The following ZFP64 variants were observed in gnomAD, a reference collection of about 807,000 sequenced individuals.
ZFP64 encodes zinc finger protein 64.
A neutral mutation model predicts 51.6 loss-of-function variants in ZFP64; 14 were observed. The ratio of observed to expected loss-of-function variants is 0.27; its 90% CI spans 0.18 to 0.42. The LOEUF is 0.42. Among genes scored for constraint, ZFP64 ranks in the 10% least tolerant of loss-of-function variants. The probability of loss-of-function intolerance (pLI) is 1.00; values close to 1 mark genes in which losing one functional copy is unlikely to be tolerated. For synonymous variants in ZFP64, 375 were observed against 361.4 expected, an observed-to-expected ratio of 1.04 and a Z score of -0.43; for missense variants, 754 against 906.8, an observed-to-expected ratio of 0.83 and a Z score of 2.16.
intron 7 of ZFP64, chr20:52,097,225 G>A: frequency 2.2e-6 from 2 of 906,940 alleles, no homozygotes; most frequent in South Asian, 1.3e-5. Flanking sequence ...CAGCCCTTTT[G>A]CTCCTTCTCC....
chr20:52,103,908 C>T (rs977096514), intron 5 of ZFP64, among the ~76,000 whole-genome samples: 10 of 152,190 alleles, frequency 6.6e-5, no homozygotes, highest in African/African-American at 2.4e-4. Context: ...CCCTCCACCA[C>T]CACCTCGGGA....
rs920038011 is a variant in ZFP64 at position 52,151,415 on chromosome 20, A to G, written c.*731T>C. ...TTCATGCCAACAGACTTACATGTAT[A>G]AAACATGAACACCCCCAAACTCTGG... On this transcript the variant is annotated 3_prime_UTR_variant, in exon 6 of 6. Coordinates refer to ENST00000216923, the MANE Select transcript of ZFP64 (RefSeq NM_018197.3). 3.0e-6 allele frequency: 3 copies of G among 985,310 alleles called. No individual in the cohort carries two copies. In the African/African-American group the frequency reaches 5.2e-5, roughly 17 times the overall value. 61.0% of individuals were successfully genotyped at this position (985,310 alleles called of 1,614,324 possible).
At chr20:52,108,517 T>A (rs1469155094) in intron 5 of ZFP64, among the ~76,000 whole-genome samples, 1 of 152,104 alleles carries the variant, frequency 6.6e-6, no homozygotes, top group Non-Finnish European at 1.5e-5. Context: ...CTTTTTTTTT[T>A]TTTCTTTTGA....
chr20:52,095,126 A>G (rs2078974606), intron 7 of ZFP64, among the ~76,000 whole-genome samples: 1 of 152,216 alleles, frequency 6.6e-6, no homozygotes, highest in African/African-American at 2.4e-5. Context: ...CCCACTTACA[A>G]CTGGGTCAGA....
At chr20:52,109,780 C>CAAAA (rs779914417) in intron 5 of ZFP64, among the ~76,000 whole-genome samples, 12 of 46,082 alleles carry the variant, frequency 2.6e-4, no homozygotes, top group African/African-American at 5.3e-4. Context: ...AATTCCACCT[C>CAAAA]AAAAAAAAAA....
At position 52,191,601 on chromosome 20, in the gene ZFP64, G is replaced by A. The variant is rs766443598; in HGVS notation, c.36C>T (p.Gly12=). The A allele has an allele frequency of 6.3e-7, 1 of 1,589,796 alleles. No homozygotes were observed. Among genetic ancestry groups the A allele is most frequent in the East Asian group, 2.3e-5 (1 of 42,944 alleles). ...CGGAAAAGCACTTACTTTGCACCGA[G>A]CCCGCGAAGCTCTCGCCCTCGCTGC... The part of the protein sequence containing the change: ...NASSEGESFA[G]SVQIPGGTTV... The change falls in exon 1 of 6, where the codon GGC becomes GGT. Residue 12 remains glycine (G), a synonymous_variant. Coordinates refer to ENST00000216923, the MANE Select transcript of ZFP64 (RefSeq NM_018197.3). This position sits in a 1 kb window ranked among gnomAD's most constrained non-coding sequence, Gnocchi z 4.3.
intron 5 of ZFP64, among the ~76,000 whole-genome samples, chr20:52,115,630 G>T (rs1027137704): frequency 3.3e-5 from 5 of 152,090 alleles, no homozygotes; most frequent in Admixed American, 6.5e-5. Flanking sequence ...GGCCAGGCCG[G>T]TCTTGAATTT....
intron 5 of ZFP64, among the ~76,000 whole-genome samples, chr20:52,105,894 A>G (rs532420621): frequency 1.3e-5 from 2 of 152,070 alleles, no homozygotes; most frequent in Non-Finnish European, 2.9e-5. Flanking sequence ...TCACACACAC[A>G]GGTCATTCTG....
In ZFP64 at chr20:52,088,207, A is replaced by G. The variant is rs1600682362; in HGVS notation, c.1228+185T>C. On this transcript the variant is annotated intron_variant, in intron 8 of 8. Transcript: ENST00000361387. The stretch of plus-strand genomic sequence containing the variant: ...AAGATATAAAACCCAGCTGTCAGTC[A>G]TATTTTACCAAAAGTTGTTGTTCCG... The G allele has an allele frequency of 9.6e-6, 9 of 941,138 alleles. No homozygotes were observed. In the East Asian group the frequency reaches 2.1e-4, roughly 22 times the overall value. The allele number at this position is 941,138 out of a possible 1,614,324, so 58.3% of individuals were successfully genotyped here.
chr20:52,104,646 C>A (rs1044088545), intron 5 of ZFP64: 3 of 469,730 alleles, frequency 6.4e-6, no homozygotes, highest in Non-Finnish European at 1.3e-5. Context: ...GCTCTTCCCC[C>A]GGGTACCTGC....
intron 5 of ZFP64, among the ~76,000 whole-genome samples, chr20:52,115,353 A>C (rs1418485755): frequency 6.6e-6 from 1 of 152,100 alleles, no homozygotes; most frequent in Non-Finnish European, 1.5e-5. Flanking sequence ...TCAATGGTGA[A>C]ATATATATTC....
intron 5 of ZFP64, chr20:52,105,438 C>G: frequency 8.7e-7 from 1 of 1,149,022 alleles, no homozygotes; most frequent in Non-Finnish European, 1.1e-6. Context: ...CGCGGACTTG[C>G]GGTCCGCTCC....
intron 5 of ZFP64, among the ~76,000 whole-genome samples, chr20:52,118,329 C>T (rs372751327): frequency 6.6e-6 from 1 of 152,044 alleles, no homozygotes; most frequent in African/African-American, 2.4e-5. Context: ...AAACAAACAG[C>T]CTCTAATTCA....
At chr20:52,165,831 C>T (rs1982219555) in intron 3 of ZFP64, 33 bp downstream of exon 3, 7 of 1,613,672 alleles carry the variant, frequency 4.3e-6, no homozygotes, top group South Asian at 1.1e-5. Flanking sequence ...ATATCACACC[C>T]TCTACACAAG....
intron 5 of ZFP64, chr20:52,105,157 C>T (rs774211272): frequency 5.6e-5 from 81 of 1,446,266 alleles, no homozygotes; most frequent in Non-Finnish European, 7.0e-5. Flanking sequence ...CCTGCGGGGC[C>T]ACCTCCGCAC....
intron 7 of ZFP64, chr20:52,097,318 T>A: frequency 6.3e-7 from 1 of 1,576,940 alleles, no homozygotes; most frequent in Non-Finnish European, 8.7e-7. Context: ...TAGCGCTTAA[T>A]TCACATTCAC....
At chr20:52,161,450 CTTTTTTTTTT>C (rs11469696) in intron 4 of ZFP64, among the ~76,000 whole-genome samples, 1 of 115,184 alleles carries the variant, frequency 8.7e-6, no homozygotes. Context: ...TGATTGCTTT[CTTTTTTTTTT>C]TTTTTTTTTT....
rs952826561 is a variant in ZFP64 at position 52,151,719 on chromosome 20, T to C, written c.*427A>G. 1 of 996,550 alleles carries C rather than the reference T, an allele frequency of 1.0e-6. No homozygotes were observed. 61.7% of individuals were successfully genotyped at this position (996,550 alleles called of 1,614,324 possible). A position where few individuals can be genotyped will look rare whatever the true frequency, so the allele number is the denominator to read the frequency against. On this transcript the variant is annotated 3_prime_UTR_variant, in exon 6 of 6. Coordinates refer to ENST00000216923, the MANE Select transcript of ZFP64 (RefSeq NM_018197.3). Reference sequence around the variant, plus strand: ...AGCAGTATAAAATTACAATTTATTATGGGGCCAGGGGGATTCACAACCATC... The same window carrying C: ...AGCAGTATAAAATTACAATTTATTACGGGGCCAGGGGGATTCACAACCATC...
At chr20:52,114,972 C>T (rs920154045) in intron 5 of ZFP64, among the ~76,000 whole-genome samples, 3 of 151,966 alleles carry the variant, frequency 2.0e-5, no homozygotes, top group Non-Finnish European at 4.4e-5. Flanking sequence ...CCGAGGCAGG[C>T]AGATCACGAG....
Sources: allele counts gnomAD v4.1 joint callset (sites outside exome capture counted in the v4.1 genomes callset), GRCh38; gene constraint gnomAD v4.1.1; non-coding constraint Gnocchi (gnomAD v3.1); transcripts MANE v1.5; gene names NCBI Gene and HGNC (gene_info 2026-07-23, HGNC 2026-07-21).